Variants in CYTH4 observed in about 807,000 individuals in gnomAD.
The protein encoded by CYTH4 is cytohesin 4.
In CYTH4, 22 loss-of-function variants were observed where a neutral mutation model predicts 57.5. The observed-to-expected ratio is 0.38, with a 90% CI of 0.27 to 0.55. The LOEUF (loss-of-function observed/expected upper bound fraction) is 0.55. Among genes scored for constraint, CYTH4 ranks in the 20% least tolerant of loss-of-function variants. CYTH4 has a pLI of 0.74. For missense variants in CYTH4, 420 were observed against 535.6 expected, an observed-to-expected ratio of 0.78 and a Z score of 2.13; for synonymous variants, 186 against 206.5, an observed-to-expected ratio of 0.90 and a Z score of 0.85.
intron 7 of CYTH4, among the ~76,000 whole-genome samples, chr22:37,302,568 T>G (rs1929222012): frequency 6.6e-6 from 1 of 152,146 alleles, no homozygotes; most frequent in Non-Finnish European, 1.5e-5. Flanking sequence ...CTTCAAAGAT[T>G]AACCTCTGAA....
rs1465695659 is a variant in CYTH4 at position 37,295,982 on chromosome 22, C to A, written c.168-17C>A. The A allele has an allele frequency of 6.2e-7, 1 of 1,610,342 alleles. No homozygotes were observed. The highest frequency in any genetic ancestry group is 1.3e-5 in the African/African-American group (1 of 74,860). ...AGGGTCCTGGGGCAGCCCAAGCTGA[C>A]GTCCTCATGTCCACAGCCGGATGGC... On this transcript the variant is annotated splice_polypyrimidine_tract_variant and intron_variant, in intron 3 of 12. Transcript: ENST00000248901. The surrounding 1 kb of genome is among the most constrained non-coding windows in gnomAD (Gnocchi z 4.1).
chr22:37,307,951 G>A lies in CYTH4; in HGVS notation c.697-1261G>A, dbSNP rs1018454665. ...GCTTACTTACCTCCAGTGACAAAGA[G>A]CTCATTATCCTACAGGGCTGCTCTC... On this transcript the variant is annotated intron_variant, in intron 8 of 12. Transcript: ENST00000248901. Among the ~76,000 whole-genome samples the A allele has an allele frequency of 3.9e-5, 6 of 152,324 alleles. No homozygotes were observed. The East Asian group carries it at 9.6e-4, about 24-fold the overall frequency.
chr22:37,300,428 G>A (rs763818543), intron 6 of CYTH4, among the ~76,000 whole-genome samples: 1 of 152,256 alleles, frequency 6.6e-6, no homozygotes, highest in African/African-American at 2.4e-5. Flanking sequence ...CTCACCTTCA[G>A]AGAACTTAGC....
rs147873435 is a variant in CYTH4 at position 37,313,232 on chromosome 22, T to G, written c.1113-207T>G. On this transcript the variant is annotated intron_variant, in intron 12 of 12. Coordinates refer to ENST00000248901, the MANE Select transcript of CYTH4 (RefSeq NM_013385.5). ...GCTCCTGATCGGAGGCCTCACCCAC[T>G]CTGGCCCTGCCCATGGGACACTGGG... 6.0e-3 allele frequency among the ~76,000 whole-genome samples: 911 copies of G among 152,320 alleles called. 10 individuals carry two copies. The highest frequency in any genetic ancestry group is 0.021 in the African/African-American group (874 of 41,572).
chr22:37,309,446 G>A (rs532774234), intron 9 of CYTH4, 123 bp downstream of exon 9: 5 of 858,694 alleles, frequency 5.8e-6, no homozygotes, highest in Non-Finnish European at 9.2e-6. Flanking sequence ...TGCATCCTGG[G>A]GGATGGAGTT....
intron 1 of CYTH4, among the ~76,000 whole-genome samples, chr22:37,285,346 G>A (rs1397235043): frequency 2.7e-5 from 4 of 150,456 alleles, no homozygotes; most frequent in African/African-American, 5.0e-5. Context: ...AAGGAAACGG[G>A]GTGTGTGGTG....
intron 6 of CYTH4, 94 bp downstream of exon 6, chr22:37,299,400 A>G (rs1929100989): frequency 9.2e-7 from 1 of 1,086,574 alleles, no homozygotes; most frequent in African/African-American, 1.5e-5. Flanking sequence ...AGCACAAACA[A>G]AGGGTTGGGA....
At position 37,295,376 on chromosome 22, in the gene CYTH4, A is replaced by G. The variant is rs1378776874; in HGVS notation, c.168-623A>G. 2.0e-5 allele frequency among the ~76,000 whole-genome samples: 3 copies of G among 149,488 alleles called. No homozygotes were observed. Among genetic ancestry groups the G allele is most frequent in the African/African-American group, 7.5e-5 (3 of 39,764 alleles). ...CCTCCTCCCCTCCCCCACCACACAC[A>G]TGCACACACACACACGCATGCACAC... is the stretch of plus-strand genomic sequence containing the variant. On this transcript the variant is annotated intron_variant, in intron 3 of 12. Coordinates refer to ENST00000248901, the MANE Select transcript of CYTH4 (RefSeq NM_013385.5). The surrounding 1 kb of genome is among the most constrained non-coding windows in gnomAD (Gnocchi z 4.1).
chr22:37,288,132 T>C (rs1928617873), intron 1 of CYTH4, among the ~76,000 whole-genome samples: 1 of 151,742 alleles, frequency 6.6e-6, no homozygotes, highest in East Asian at 1.9e-4. Context: ...ATACAGAAAT[T>C]GGCCCAGTGC....
chr22:37,309,806 G>A (rs145214727), intron 9 of CYTH4, among the ~76,000 whole-genome samples: 39 of 152,304 alleles, frequency 2.6e-4, no homozygotes, highest in African/African-American at 8.9e-4. Context: ...AGGAGGGGAG[G>A]AAGGATGACA....
chr22:37,297,334 G>T (rs1019091378), intron 4 of CYTH4, among the ~76,000 whole-genome samples: 1 of 152,102 alleles, frequency 6.6e-6, no homozygotes, highest in African/African-American at 2.4e-5. Context: ...GCATGAACCT[G>T]GTTCATGGCA....
rs200267703 is a variant in CYTH4 at position 37,303,401 on chromosome 22, G to A, written c.695G>A (p.Arg232Gln). ...AGCGACCTGCCCGAGGACCAGCTGC[G>A]GGTGAGAGAGGCGCAGCCCACCCAG... is the stretch of plus-strand genomic sequence containing the variant. ...NGSDLPEDQLRNLFDSIKSEP... is the reference protein window; with the variant it reads ...NGSDLPEDQLQNLFDSIKSEP... The change falls in exon 8 of 13, where the codon CGG becomes CAG. Residue 232 changes from arginine (R) to glutamine (Q), a missense_variant and splice_region_variant. Coordinates refer to ENST00000248901, the MANE Select transcript of CYTH4 (RefSeq NM_013385.5). 49 of 1,612,526 alleles carry A rather than the reference G, an allele frequency of 3.0e-5. No individual in the cohort carries two copies. Among genetic ancestry groups the A allele is most frequent in the Non-Finnish European group, 3.7e-5 (44 of 1,179,470 alleles).
chr22:37,282,742 T>A (rs1028774049), intron 1 of CYTH4, among the ~76,000 whole-genome samples, 154 bp downstream of exon 1: 6 of 152,216 alleles, frequency 3.9e-5, no homozygotes, highest in Non-Finnish European at 8.8e-5. Context: ...AGCCTGTGTG[T>A]CCAGTTGCGT....
chr22:37,289,366 C>T (rs1478025180), intron 1 of CYTH4, among the ~76,000 whole-genome samples: 1 of 152,210 alleles, frequency 6.6e-6, no homozygotes, highest in Non-Finnish European at 1.5e-5. Flanking sequence ...GCCTGAAGCC[C>T]TGCCCCCTGG....
chr22:37,309,521 C>T (rs922296034), intron 9 of CYTH4, among the ~76,000 whole-genome samples, 198 bp downstream of exon 9: 1 of 152,128 alleles, frequency 6.6e-6, no homozygotes, highest in African/African-American at 2.4e-5. Context: ...CCACCTGTCC[C>T]GAGAAGGAAG....
At chr22:37,285,927 C>T (rs569782607) in intron 1 of CYTH4, among the ~76,000 whole-genome samples, 138 of 152,084 alleles carry the variant, frequency 9.1e-4, no homozygotes, top group Non-Finnish European at 1.6e-3. Flanking sequence ...ACAGGACCCC[C>T]GTCAGAAGGG....
chr22:37,304,806 T>C (rs2145866783), intron 8 of CYTH4, among the ~76,000 whole-genome samples: 1 of 152,252 alleles, frequency 6.6e-6, no homozygotes, highest in South Asian at 2.1e-4. Flanking sequence ...GGGCAATGAC[T>C]CACTGGAGTT....
chr22:37,283,977 A>G (rs1928461918), intron 1 of CYTH4, among the ~76,000 whole-genome samples: 1 of 151,676 alleles, frequency 6.6e-6, no homozygotes, highest in African/African-American at 2.4e-5. Context: ...GGTTACAGGG[A>G]TGGCTGTCTC....
intron 1 of CYTH4, among the ~76,000 whole-genome samples, chr22:37,290,676 T>G (rs919417903): frequency 8.5e-5 from 13 of 152,076 alleles, no homozygotes; most frequent in Non-Finnish European, 4.4e-5. Flanking sequence ...GCCTGGCTAA[T>G]TTTTTGTATT....
Sources: gnomAD v4.1 joint callset for allele counts (sites outside exome capture counted in the v4.1 genomes callset) on GRCh38, gnomAD v4.1.1 for gene constraint, Gnocchi (gnomAD v3.1) non-coding constraint, MANE v1.5 for transcripts, NCBI Gene and HGNC (gene_info 2026-07-23, HGNC 2026-07-21) for gene names.